Variants in CCDC192 observed in about 807,000 individuals in gnomAD.
The protein encoded by CCDC192 is coiled-coil domain containing 192.
chr5:127,849,542 C>T, intron 5 of CCDC192, among the ~76,000 whole-genome samples: 1 of 152,156 alleles, frequency 6.6e-6, no homozygotes, highest in East Asian at 1.9e-4. Flanking sequence ...CCTGAGAGAA[C>T]CTTCCTCCAC....
intron 5 of CCDC192, among the ~76,000 whole-genome samples, chr5:127,847,852 A>AATACATAC (rs1554080659): frequency 1.5e-4 from 22 of 151,168 alleles, no homozygotes; most frequent in Non-Finnish European, 2.9e-4. Context: ...TAAATAAATA[A>AATACATAC]ATACATAAAT....
At chr5:127,933,776 A>T (rs1332687209) in intron 6 of CCDC192, among the ~76,000 whole-genome samples, 1 of 152,172 alleles carries the variant, frequency 6.6e-6, no homozygotes, top group Non-Finnish European at 1.5e-5. Context: ...ATGAGGGCAG[A>T]GCCCTCATGA....
chr5:127,786,464 T>A, intron 3 of CCDC192: 1 of 630,912 alleles, frequency 1.6e-6, no homozygotes, highest in South Asian at 1.8e-5. Flanking sequence ...CAGTTTTGTA[T>A]TGATGGTTTC....
At chr5:127,750,238 C>G (rs1029501677) in intron 2 of CCDC192, among the ~76,000 whole-genome samples, 3 of 152,070 alleles carry the variant, frequency 2.0e-5, no homozygotes, top group African/African-American at 7.2e-5. Flanking sequence ...CCTGCTTTCT[C>G]TTGTGGGCAT....
At chr5:127,726,522 G>T (rs1051910481) in intron 2 of CCDC192, among the ~76,000 whole-genome samples, 1 of 152,140 alleles carries the variant, frequency 6.6e-6, no homozygotes, top group African/African-American at 2.4e-5. Flanking sequence ...CAAGAAGGTC[G>T]CCCAGAGAAG....
chr5:127,870,907 AC>A (rs1416518489), intron 5 of CCDC192, among the ~76,000 whole-genome samples: 1 of 152,244 alleles, frequency 6.6e-6, no homozygotes, highest in Non-Finnish European at 1.5e-5. Context: ...ACCTATGTAT[AC>A]CTTCTGTATT....
At chr5:127,882,961 CAG>C (rs1314479967) in intron 6 of CCDC192, among the ~76,000 whole-genome samples, 1 of 152,182 alleles carries the variant, frequency 6.6e-6, no homozygotes, top group Admixed American at 6.5e-5. Context: ...CCACTGAAAA[CAG>C]ATATTTGTTT....
chr5:127,925,861 CA>C (rs1753848129), intron 6 of CCDC192, among the ~76,000 whole-genome samples: 1 of 152,180 alleles, frequency 6.6e-6, no homozygotes, highest in South Asian at 2.1e-4. Context: ...AGTGCTCAGG[CA>C]TGTCACTACA....
intron 5 of CCDC192, among the ~76,000 whole-genome samples, chr5:127,844,292 GT>G (rs1750429210): frequency 6.6e-6 from 1 of 152,166 alleles, no homozygotes; most frequent in Non-Finnish European, 1.5e-5. Flanking sequence ...TTTCATCCCT[GT>G]TTGCCTCAAA....
chr5:127,757,813 C>G (rs1754693686), intron 3 of CCDC192, among the ~76,000 whole-genome samples: 3 of 148,730 alleles, frequency 2.0e-5, no homozygotes, highest in South Asian at 2.2e-4. Flanking sequence ...CTCTCTCTCT[C>G]TCTCTCAATC....
chr5:127,719,580 T>TATATATAC (rs1275936475), intron 2 of CCDC192, among the ~76,000 whole-genome samples: 5 of 132,616 alleles, frequency 3.8e-5, no homozygotes, highest in African/African-American at 1.3e-4. Context: ...TATATATATA[T>TATATATAC]ACCAAGCAGT....
At chr5:127,798,394 A>G (rs1203752569) in intron 5 of CCDC192, among the ~76,000 whole-genome samples, 1 of 152,188 alleles carries the variant, frequency 6.6e-6, no homozygotes, top group Non-Finnish European at 1.5e-5. Flanking sequence ...AGATGGTCTA[A>G]TCAGGTGCTA....
chr5:127,784,417 A>G (rs1002496829), intron 3 of CCDC192, among the ~76,000 whole-genome samples: 2 of 152,342 alleles, frequency 1.3e-5, no homozygotes, highest in Non-Finnish European at 2.9e-5. Context: ...ATTGGTGTCC[A>G]TATTTACAGA....
intron 5 of CCDC192, among the ~76,000 whole-genome samples, chr5:127,811,359 GA>G (rs1407742693): frequency 6.6e-6 from 1 of 152,142 alleles, no homozygotes; most frequent in Non-Finnish European, 1.5e-5. Flanking sequence ...CCTTGCATAG[GA>G]GTTGGGGGTA....
intron 5 of CCDC192, among the ~76,000 whole-genome samples, chr5:127,859,284 T>A (rs1473927816): frequency 6.6e-6 from 1 of 152,242 alleles, no homozygotes; most frequent in Non-Finnish European, 1.5e-5. Flanking sequence ...AAAACATGTT[T>A]GTTAATATTT....
intron 6 of CCDC192, among the ~76,000 whole-genome samples, chr5:127,877,746 T>A (rs1299743206): frequency 6.6e-6 from 1 of 152,132 alleles, no homozygotes; most frequent in African/African-American, 2.4e-5. Flanking sequence ...TAATACACAA[T>A]GACCCCTATT....
At position 127,837,843 on chromosome 5, in the gene CCDC192, C is replaced by A. The variant is rs1580731226; in HGVS notation, c.412-37695C>A. 9.2e-5 allele frequency among the ~76,000 whole-genome samples: 14 copies of A among 152,170 alleles called. No homozygotes were observed. In the South Asian group the frequency reaches 2.9e-3, roughly 32 times the overall value. On this transcript the variant is annotated intron_variant, in intron 5 of 6. Transcript: ENST00000514853. ...TCTCTAGTAAAATACAAAAAATTAGCCAGGCATGGTGGTGCACGCCTGTAG... is the reference window on the plus strand; with the variant it reads ...TCTCTAGTAAAATACAAAAAATTAGACAGGCATGGTGGTGCACGCCTGTAG...
At chr5:127,785,346 T>C (rs1756480790) in intron 3 of CCDC192, 2 of 441,344 alleles carry the variant, frequency 4.5e-6, no homozygotes, top group South Asian at 3.7e-5. Context: ...GAAATCCCAG[T>C]CTAGGGGTTC....
chr5:127,727,682 T>C (rs1327093084), intron 2 of CCDC192, among the ~76,000 whole-genome samples: 1 of 152,110 alleles, frequency 6.6e-6, no homozygotes, highest in Non-Finnish European at 1.5e-5. Context: ...AGAACTGGGC[T>C]GAGGCTGAGA....
Sources: allele counts gnomAD v4.1 joint callset (sites outside exome capture counted in the v4.1 genomes callset), GRCh38; gene constraint gnomAD v4.1.1; transcripts MANE v1.5; gene names NCBI Gene and HGNC (gene_info 2026-07-23, HGNC 2026-07-21).